The following ODAD1 variants were observed in gnomAD, a reference collection of about 807,000 sequenced individuals.
ODAD1 encodes the protein outer dynein arm docking complex subunit 1.
A neutral mutation model predicts 67.2 loss-of-function variants in ODAD1; 49 were observed. The ratio of observed to expected loss-of-function variants is 0.73; its 90% confidence interval spans 0.58 to 0.92. ODAD1 has a LOEUF of 0.92. Ranked by LOEUF, ODAD1 falls within the 40% of genes least tolerant of loss-of-function variation. ODAD1 has a pLI of 0.00. For missense variants in ODAD1, 897 were observed against 953.7 expected (o/e 0.94, Z 0.78); for synonymous variants, 345 against 393.7 (o/e 0.88, Z 1.46).
chr19:48,317,008 G>A (rs1012351403), intron 5 of ODAD1, among the ~76,000 whole-genome samples: 1 of 151,958 alleles, frequency 6.6e-6, no homozygotes, highest in African/African-American at 2.4e-5. Flanking sequence ...GTCTTGAAAA[G>A]AAAAAGAAAG....
At chr19:48,314,069 C>T (rs1968837918) in intron 5 of ODAD1, among the ~76,000 whole-genome samples, 1 of 151,992 alleles carries the variant, frequency 6.6e-6, no homozygotes, top group Non-Finnish European at 1.5e-5. Context: ...ATGGCGAAAC[C>T]CCATCTCTAC....
chr19:48,308,025 A>G (rs1191168064), intron 7 of ODAD1, among the ~76,000 whole-genome samples: 2 of 152,196 alleles, frequency 1.3e-5, no homozygotes, highest in African/African-American at 4.8e-5. Flanking sequence ...CACAGAAGCC[A>G]GCTTGAAGGG....
Position 48,297,280 on chromosome 19 carries a change from C to G in ODAD1, c.1820G>C (p.Gly607Ala). 6.2e-7 allele frequency: 1 copy of G among 1,614,006 alleles called. No individual in the cohort carries two copies. Among genetic ancestry groups the G allele is most frequent in the Non-Finnish European group, 8.5e-7 (1 of 1,180,010 alleles). ...VTFGGLSSST[G>A]HLPSHITHGD... ...GTGCGTGATGTGGCTGGGCAAATGC[C>G]CAGTGCTGGAGCTGAGGCCGCCAAA... The change falls in exon 16 of 16, where the codon GGG becomes GCG. Residue 607 changes from glycine (G) to alanine (A), a missense_variant. Physicochemically the swap from Gly to Ala is moderately conservative, Grantham distance 60. Coordinates refer to ENST00000674294, the MANE Select transcript of ODAD1 (RefSeq NM_001364171.2).
In ODAD1 at chr19:48,300,005, A is replaced by G. The variant is rs936035386; in HGVS notation, c.1241-1665T>C. Among the ~76,000 whole-genome samples, 16 of 151,294 alleles carry G rather than the reference A, an allele frequency of 1.1e-4. No individual in the cohort carries two copies. The East Asian group carries it at 3.1e-3, about 30-fold the overall frequency. ...AGCCTGGACAACATAGTAAAATCCT[A>G]TCTCTAAAAAAAAAAAGGGCCGGGC... On this transcript the variant is annotated intron_variant, in intron 12 of 15. Transcript: ENST00000674294.
chr19:48,312,066 GGACCT>G lies in ODAD1; in HGVS notation c.406_410del (p.Arg136ProfsTer30), dbSNP rs896232922. On this transcript the variant is annotated frameshift_variant, in exon 6 of 16. Coordinates refer to ENST00000674294, the MANE Select transcript of ODAD1 (RefSeq NM_001364171.2). LOFTEE classifies it high-confidence loss of function. The stretch of plus-strand genomic sequence containing the variant: ...CCTTCTGATCCAGGATGAATCCCGG[GGACCT>G]GACATTCTTACTGTGGGTAAAGATC... 6.5e-7 allele frequency: 1 copy of G among 1,549,446 alleles called. No homozygotes were observed. Among genetic ancestry groups the G allele is most frequent in the Non-Finnish European group, 8.7e-7 (1 of 1,144,784 alleles).
chr19:48,303,293 G>C lies in ODAD1; in HGVS notation c.989-198C>G. 4.8e-6 allele frequency: 3 copies of C among 625,822 alleles called. No individual in the cohort carries two copies. The South Asian group carries it at 5.7e-5, about 12-fold the overall frequency. 38.8% of individuals were successfully genotyped at this position (625,822 alleles called of 1,614,324 possible). A position where few individuals can be genotyped will look rare whatever the true frequency, so the allele number is the denominator to read the frequency against. ...GGGAAGATACGGCAGGTGGGACACAGAAATACACAGCAAGGCAGAGAGGGA... is the reference window on the plus strand; with the variant it reads ...GGGAAGATACGGCAGGTGGGACACACAAATACACAGCAAGGCAGAGAGGGA... On this transcript the variant is annotated intron_variant, in intron 10 of 15. Transcript: ENST00000674294.
At chr19:48,317,189 A>G (rs1053259747) in intron 5 of ODAD1, among the ~76,000 whole-genome samples, 1 of 151,454 alleles carries the variant, frequency 6.6e-6, no homozygotes, top group Non-Finnish European at 1.5e-5. Flanking sequence ...ATTTAGCAGA[A>G]TGAATCCCAC....
chr19:48,318,250 C>T (rs1359983843), intron 5 of ODAD1, 137 bp downstream of exon 5: 12 of 741,880 alleles, frequency 1.6e-5, no homozygotes, highest in African/African-American at 1.6e-4. Context: ...CCTCAGCCTC[C>T]CAATGTGCTG....
At chr19:48,314,798 G>A (rs1326689907) in intron 5 of ODAD1, among the ~76,000 whole-genome samples, 2 of 151,900 alleles carry the variant, frequency 1.3e-5, no homozygotes, top group Non-Finnish European at 2.9e-5. Flanking sequence ...AAAATTAGCT[G>A]GGCGTAATGG....
At chr19:48,311,914 T>C (rs1309819230) in intron 6 of ODAD1, 80 bp downstream of exon 6, 1 of 1,362,230 alleles carries the variant, frequency 7.3e-7, no homozygotes, top group Non-Finnish European at 1.0e-6. Flanking sequence ...CTGCCCAGCA[T>C]TTCCAGAATC....
intron 7 of ODAD1, 21 bp from the exon 8 acceptor site, chr19:48,306,344 A>T (rs1968608107): frequency 6.5e-7 from 1 of 1,545,700 alleles, no homozygotes; most frequent in Admixed American, 2.0e-5. Context: ...AGGAGAAAAA[A>T]ATCAGTGCCA....
At chr19:48,301,756 A>AG (rs1293330028) in intron 12 of ODAD1, among the ~76,000 whole-genome samples, 1 of 149,884 alleles carries the variant, frequency 6.7e-6, no homozygotes, top group African/African-American at 2.5e-5. Flanking sequence ...GACATGGGAC[A>AG]GTTGGAGGGA....
At chr19:48,298,989 T>C (rs757708729) in intron 12 of ODAD1, among the ~76,000 whole-genome samples, 1 of 152,014 alleles carries the variant, frequency 6.6e-6, no homozygotes, top group Non-Finnish European at 1.5e-5. Flanking sequence ...ACCCCCCACC[T>C]TTCTCTCCAT....
At chr19:48,320,439 GC>G in intron 2 of ODAD1, 48 bp from the exon 3 acceptor site, 2 of 1,088,998 alleles carry the variant, frequency 1.8e-6, no homozygotes, top group Non-Finnish European at 2.4e-6. Context: ...GCGGGCCAGG[GC>G]CCAGAGAGGG....
intron 11 of ODAD1, 56 bp downstream of exon 11, chr19:48,302,957 A>AG: frequency 2.3e-6 from 2 of 854,286 alleles, no homozygotes; most frequent in Non-Finnish European, 3.7e-6. Context: ...GAGGGAGGGA[A>AG]GGGGGCGGGG....
chr19:48,316,835 C>T (rs1968910833), intron 5 of ODAD1, among the ~76,000 whole-genome samples: 1 of 152,040 alleles, frequency 6.6e-6, no homozygotes, highest in Admixed American at 6.6e-5. Context: ...TCATCTCTAC[C>T]AAAAAATACA....
intron 7 of ODAD1, among the ~76,000 whole-genome samples, chr19:48,307,484 A>G (rs182376064): frequency 4.6e-5 from 7 of 152,274 alleles, no homozygotes; most frequent in African/African-American, 1.7e-4. Context: ...AGCTCTCTCC[A>G]GAGGAAGGGC....
intron 12 of ODAD1, among the ~76,000 whole-genome samples, chr19:48,302,364 T>TTGAATGGA (rs1440608783): frequency 4.0e-5 from 5 of 125,190 alleles, no homozygotes; most frequent in African/African-American, 6.5e-5. Context: ...GAGACAGACG[T>TTGAATGGA]TGAATGGATG....
Position 48,297,225 on chromosome 19 carries a change from G to T in ODAD1, c.1875C>A (p.Phe625Leu). The change falls in exon 16 of 16, where the codon TTC becomes TTA. Residue 625 changes from phenylalanine (F) to leucine (L), a missense_variant. Phe to Leu is a conservative substitution (Grantham distance 22). Coordinates refer to ENST00000674294, the MANE Select transcript of ODAD1 (RefSeq NM_001364171.2). ...HGDPNTGHVT[F>L]GSTSASSGGH... is the part of the protein sequence containing the mutation. ...CCCCACTCGAGGCACTGGTGGAGCC[G>T]AAGGTCACGTGGCCAGTGTTGGGGT... The T allele has an allele frequency of 6.2e-7, 1 of 1,614,136 alleles. No individual in the cohort carries two copies. The highest frequency in any genetic ancestry group is 8.5e-7 in the Non-Finnish European group (1 of 1,180,014).
Sources: allele counts gnomAD v4.1 joint callset (sites outside exome capture counted in the v4.1 genomes callset), GRCh38; gene constraint gnomAD v4.1.1; transcripts MANE v1.5; gene names NCBI Gene and HGNC (gene_info 2026-07-23, HGNC 2026-07-21).